Variants in CFTR observed in about 807,000 individuals in gnomAD.
CFTR encodes CF transmembrane conductance regulator.
CFTR carries 181 observed loss-of-function variants against 171.6 expected under a neutral mutation model. The ratio of observed to expected loss-of-function variants is 1.05; its 90% CI spans 0.93 to 1.19. CFTR has a LOEUF of 1.19. Ranked by LOEUF, CFTR falls within the 50% of genes most tolerant of loss-of-function variation. The probability of loss-of-function intolerance (pLI) is 0.00; values close to 1 mark genes in which losing one functional copy is unlikely to be tolerated. For missense variants in CFTR, 1,968 were observed against 1,734.7 expected (o/e 1.13, Z -2.39); for synonymous variants, 583 against 608.0 (o/e 0.96, Z 0.60).
intron 14 of CFTR, among the ~76,000 whole-genome samples, chr7:117,594,087 A>G (rs1183077841): frequency 6.6e-6 from 1 of 152,196 alleles, no homozygotes; most frequent in Non-Finnish European, 1.5e-5. Flanking sequence ...AAAATTTTTC[A>G]CATTTGCAGA....
Position 117,603,887 on chromosome 7 carries a change from T to C in CFTR, c.2908+105T>C, listed in dbSNP as rs1176468880. ...GTGCTGGCTTTTGCACAGAGGCATG[T>C]GCCCTTTGTTGAACCTCCATTTGAC... On this transcript the variant is annotated intron_variant, in intron 17 of 26. Transcript: ENST00000003084. 5 of 1,223,592 alleles carry C rather than the reference T, an allele frequency of 4.1e-6. No homozygotes were observed. In the East Asian group the frequency reaches 7.0e-5, roughly 17 times the overall value. The allele number at this position is 1,223,592 out of a possible 1,614,324, so 75.8% of individuals were successfully genotyped here.
chr7:117,600,269 A>C (rs549423679), intron 15 of CFTR, among the ~76,000 whole-genome samples: 1 of 152,178 alleles, frequency 6.6e-6, no homozygotes, highest in South Asian at 2.1e-4. Flanking sequence ...TTAGCACCAA[A>C]TAAATAGGCA....
intron 23 of CFTR, among the ~76,000 whole-genome samples, chr7:117,644,946 A>G (rs950147055): frequency 1.2e-4 from 19 of 152,350 alleles, no homozygotes; most frequent in African/African-American, 3.6e-4. Context: ...TGTTAAGCAC[A>G]TAATTCATAA....
chr7:117,539,853 A>G (rs1198956788), intron 7 of CFTR, among the ~76,000 whole-genome samples: 1 of 151,526 alleles, frequency 6.6e-6, no homozygotes, highest in Non-Finnish European at 1.5e-5. Context: ...TATAATTTAA[A>G]AATAATATTT....
At chr7:117,558,431 G>A (rs560950970) in intron 10 of CFTR, among the ~76,000 whole-genome samples, 28 of 152,082 alleles carry the variant, frequency 1.8e-4, no homozygotes, top group Admixed American at 1.6e-3. Context: ...GCGGGTGCCC[G>A]TAGTCCCAGC....
intron 10 of CFTR, among the ~76,000 whole-genome samples, chr7:117,556,720 C>T (rs1799365870): frequency 6.7e-6 from 1 of 149,710 alleles, no homozygotes; most frequent in African/African-American, 2.4e-5. Context: ...GGGGTTTCAC[C>T]GTTTTAGCCG....
At chr7:117,640,977 A>G (rs1792902922) in intron 22 of CFTR, among the ~76,000 whole-genome samples, 1 of 152,182 alleles carries the variant, frequency 6.6e-6, no homozygotes, top group African/African-American at 2.4e-5. Flanking sequence ...TGTTGAACTT[A>G]TATTTTTGGT....
chr7:117,610,681 A>G lies in CFTR; in HGVS notation c.3139+12A>G, dbSNP rs1239591462. The G allele has an allele frequency of 1.2e-6, 2 of 1,612,712 alleles. No individual in the cohort carries two copies. The highest frequency in any genetic ancestry group is 1.7e-6 in the Non-Finnish European group (2 of 1,179,134). On this transcript the variant is annotated intron_variant, in intron 19 of 26. Coordinates refer to ENST00000003084, the MANE Select transcript of CFTR (RefSeq NM_000492.4). ...ACTGGAATCTGAAGGTATGACAGTG[A>G]ATGTGCGATACTCATCTTGTAAAAA... is the stretch of plus-strand genomic sequence containing the variant.
rs78802634 is a variant in CFTR, at chr7:117,611,707, G to A, written c.3266G>A (p.Trp1089Ter). ...GCTCTGAATTTACATACTGCCAACT[G>A]GTTCTTGTACCTGTCAACACTGCGC... ...HKALNLHTAN[W>*]FLYLSTLRWF... The change falls in exon 20 of 27, where the codon TGG becomes TAG. Residue 1089 changes from tryptophan (W) to a stop codon, truncating the protein, a stop_gained. Coordinates refer to ENST00000003084, the MANE Select transcript of CFTR (RefSeq NM_000492.4). LOFTEE classifies it high-confidence loss of function. The A allele has an allele frequency of 5.0e-6, 8 of 1,613,376 alleles. No homozygotes were observed. In the Admixed American group the frequency reaches 1.2e-4, roughly 24 times the overall value.
chr7:117,549,253 T>C (rs1177221440), intron 10 of CFTR, among the ~76,000 whole-genome samples: 1 of 152,184 alleles, frequency 6.6e-6, no homozygotes, highest in Non-Finnish European at 1.5e-5. Flanking sequence ...ATTTTCAGAA[T>C]AGATTTAGAT....
At chr7:117,504,403 ATAT>A in intron 2 of CFTR, 40 bp downstream of exon 2, 1 of 965,986 alleles carries the variant, frequency 1.0e-6, no homozygotes, top group Non-Finnish European at 1.7e-6. Flanking sequence ...AGAGAAATTC[ATAT>A]TATTAATTAT....
At chr7:117,660,288 G>T (rs1335414111) in intron 24 of CFTR, among the ~76,000 whole-genome samples, 2 of 152,000 alleles carry the variant, frequency 1.3e-5, no homozygotes, top group Non-Finnish European at 2.9e-5. Context: ...GCTAAAGTTT[G>T]TACTTTTTTT....
intron 15 of CFTR, among the ~76,000 whole-genome samples, chr7:117,601,631 G>A (rs941510290): frequency 6.6e-6 from 1 of 151,746 alleles, no homozygotes; most frequent in African/African-American, 2.4e-5. Flanking sequence ...TTTATTCTGT[G>A]TTCATTTCCA....
chr7:117,651,122 T>A (rs576803089), intron 23 of CFTR, among the ~76,000 whole-genome samples: 1 of 152,186 alleles, frequency 6.6e-6, no homozygotes, highest in Non-Finnish European at 1.5e-5. Context: ...CAGGACATGG[T>A]TCATGATAAG....
intron 10 of CFTR, among the ~76,000 whole-genome samples, chr7:117,549,758 A>C (rs765478610): frequency 6.6e-6 from 1 of 152,120 alleles, no homozygotes; most frequent in African/African-American, 2.4e-5. Flanking sequence ...TACTTTCTAG[A>C]ATTATACCGA....
intron 1 of CFTR, among the ~76,000 whole-genome samples, chr7:117,502,881 T>C (rs913087456): frequency 2.0e-5 from 3 of 152,210 alleles, no homozygotes; most frequent in Admixed American, 6.5e-5. Context: ...AATATCTTAG[T>C]AAGGAATAAT....
chr7:117,592,197 T>A lies in CFTR; in HGVS notation c.2030T>A (p.Val677Asp). 6.2e-7 allele frequency: 1 copy of A among 1,613,892 alleles called. No individual in the cohort carries two copies. Among genetic ancestry groups the A allele is most frequent in the East Asian group, 2.2e-5 (1 of 44,890 alleles). Reference sequence around the variant, plus strand: ...TTCTCATTAGAAGGAGATGCTCCTGTCTCCTGGACAGAAACAAAAAAACAA... The same window carrying A: ...TTCTCATTAGAAGGAGATGCTCCTGACTCCTGGACAGAAACAAAAAAACAA... ...HRFSLEGDAPVSWTETKKQSF... is the reference protein window; with the variant it reads ...HRFSLEGDAPDSWTETKKQSF... The change falls in exon 14 of 27, where the codon GTC (valine) becomes GAC (aspartate). Residue 677 changes from valine to aspartate, a missense_variant. Coordinates refer to ENST00000003084, the MANE Select transcript of CFTR (RefSeq NM_000492.4).
intron 3 of CFTR, among the ~76,000 whole-genome samples, chr7:117,520,400 G>T (rs1426906654): frequency 6.6e-6 from 1 of 151,300 alleles, no homozygotes; most frequent in Non-Finnish European, 1.5e-5. Flanking sequence ...TATTATGTAA[G>T]CATGCATCTA....
At chr7:117,643,845 C>A (rs968794508) in intron 23 of CFTR, among the ~76,000 whole-genome samples, 1 of 152,098 alleles carries the variant, frequency 6.6e-6, no homozygotes, top group African/African-American at 2.4e-5. Context: ...CTTGTTCACA[C>A]AAATCTGCCC....
Sources: allele counts gnomAD v4.1 joint callset (sites outside exome capture counted in the v4.1 genomes callset), GRCh38; gene constraint gnomAD v4.1.1; transcripts MANE v1.5; gene names NCBI Gene and HGNC (gene_info 2026-07-23, HGNC 2026-07-21).